FKBP5: variants seen among roughly 807,000 people sequenced by gnomAD.
FKBP5 encodes peptidyl-prolyl cis-trans isomerase FKBP5.
A neutral mutation model predicts 50.5 loss-of-function variants in FKBP5; 23 were observed. That is an observed-to-expected ratio of 0.46 (90% CI 0.33 to 0.65). The LOEUF (loss-of-function observed/expected upper bound fraction) is 0.65, where lower values mean the gene tolerates loss of function less well. FKBP5 is among the 30% of genes least tolerant of loss of function. The pLI is 0.02. For synonymous variants in FKBP5, 176 were observed against 190.6 expected (o/e 0.92, Z 0.63); for missense variants, 411 against 553.1 (o/e 0.74, Z 2.58).
chr6:35,588,011 TTTATTA>T (rs894880538), intron 7 of FKBP5, among the ~76,000 whole-genome samples: 27 of 150,680 alleles, frequency 1.8e-4, no homozygotes, highest in East Asian at 7.7e-4. Context: ...ATCCTCTACT[TTTATTA>T]TTATTATTAT....
intron 2 of FKBP5, among the ~76,000 whole-genome samples, chr6:35,707,045 A>G (rs1467133979): frequency 6.6e-6 from 1 of 152,150 alleles, no homozygotes; most frequent in Non-Finnish European, 1.5e-5. Context: ...AACTTTATGG[A>G]AAGATATGCA....
chr6:35,575,944 T>C lies in FKBP5; in HGVS notation c.1267-2A>G. The C allele has an allele frequency of 6.3e-7, 1 of 1,592,978 alleles. No individual in the cohort carries two copies. Among genetic ancestry groups the C allele is most frequent in the Non-Finnish European group, 8.6e-7 (1 of 1,160,748 alleles). ...GCCCATTGCTTTATTGGCCTCTTCCTAAGGAAGAAATAAGCAATCAAGAAG... is the reference window on the plus strand; with the variant it reads ...GCCCATTGCTTTATTGGCCTCTTCCCAAGGAAGAAATAAGCAATCAAGAAG... On this transcript the variant is annotated splice_acceptor_variant, in intron 10 of 10. Transcript: ENST00000357266. LOFTEE classifies it high-confidence loss of function.
intron 5 of FKBP5, among the ~76,000 whole-genome samples, chr6:35,597,770 A>G (rs1368107513): frequency 6.6e-6 from 1 of 152,232 alleles, no homozygotes; most frequent in Non-Finnish European, 1.5e-5. Context: ...CAAATTTAAT[A>G]TCAAATATAT....
chr6:35,704,809 C>G (rs980890532), intron 2 of FKBP5, among the ~76,000 whole-genome samples: 1 of 151,852 alleles, frequency 6.6e-6, no homozygotes, highest in Admixed American at 6.6e-5. Context: ...ATAGCCCTAC[C>G]AGAGATGATA....
chr6:35,575,771 G>T lies in FKBP5; in HGVS notation c.*64C>A. ...TACATTAAACACTGTTCTGTCCTGAGTTGGGGGAAAGCCCATTGAGGAGGG... is the reference window on the plus strand; with the variant it reads ...TACATTAAACACTGTTCTGTCCTGATTTGGGGGAAAGCCCATTGAGGAGGG... On this transcript the variant is annotated 3_prime_UTR_variant, in exon 11 of 11. Transcript: ENST00000357266. 9.5e-7 allele frequency: 1 copy of T among 1,055,132 alleles called. No individual in the cohort carries two copies. The highest frequency in any genetic ancestry group is 1.5e-6 in the Non-Finnish European group (1 of 669,464). The allele number at this position is 1,055,132 out of a possible 1,614,324, so 65.4% of individuals were successfully genotyped here. A position where few individuals can be genotyped will look rare whatever the true frequency, so the allele number is the denominator to read the frequency against.
At chr6:35,576,037 G>A in intron 10 of FKBP5, 95 bp from the exon 11 acceptor site, 1 of 853,124 alleles carries the variant, frequency 1.2e-6, no homozygotes, top group African/African-American at 1.7e-5. Flanking sequence ...CAAACACGAG[G>A]TATTGCAATG....
chr6:35,607,800 T>C (rs568349906), intron 5 of FKBP5: 79 of 224,974 alleles, frequency 3.5e-4, no homozygotes, highest in Non-Finnish European at 6.0e-4. Flanking sequence ...CGGTGCACCA[T>C]GGAGTTACTG....
chr6:35,698,991 G>A (rs950210863), intron 2 of FKBP5, among the ~76,000 whole-genome samples: 1 of 152,168 alleles, frequency 6.6e-6, no homozygotes, highest in Non-Finnish European at 1.5e-5. Context: ...ATTTGGTGGG[G>A]ACACAAATCC....
chr6:35,644,768 T>C (rs1203651423), intron 1 of FKBP5, among the ~76,000 whole-genome samples: 1 of 152,198 alleles, frequency 6.6e-6, no homozygotes, highest in Non-Finnish European at 1.5e-5. Flanking sequence ...GCTTCTGTGA[T>C]GCACAGAAAC....
intron 8 of FKBP5, chr6:35,584,102 C>T: frequency 1.0e-6 from 1 of 985,460 alleles, no homozygotes; most frequent in Non-Finnish European, 1.2e-6. Context: ...GTTAATGCTC[C>T]TGTCCTGCAG....
At chr6:35,681,760 C>T (rs1031972998) in intron 1 of FKBP5, among the ~76,000 whole-genome samples, 6 of 152,062 alleles carry the variant, frequency 3.9e-5, no homozygotes, top group African/African-American at 1.4e-4. Flanking sequence ...TACTGCTATA[C>T]ACACATAAAA....
intron 8 of FKBP5, chr6:35,582,544 A>C (rs1762468850): frequency 1.8e-6 from 1 of 557,536 alleles, no homozygotes; most frequent in African/African-American, 2.0e-5. Context: ...AGCTACAAGG[A>C]ACCAGAGGAG....
chr6:35,662,817 C>T (rs917093805), intron 1 of FKBP5, among the ~76,000 whole-genome samples: 2 of 152,238 alleles, frequency 1.3e-5, no homozygotes, highest in Admixed American at 1.3e-4. Context: ...ATCCTACACA[C>T]CATGAATACC....
chr6:35,645,092 GA>G (rs34432318), intron 1 of FKBP5, among the ~76,000 whole-genome samples: 3 of 152,056 alleles, frequency 2.0e-5, no homozygotes, highest in Non-Finnish European at 4.4e-5. Flanking sequence ...CACCAATAAT[GA>G]AAAAAAGTGC....
At chr6:35,700,695 C>T (rs1015504049) in intron 2 of FKBP5, among the ~76,000 whole-genome samples, 2 of 152,206 alleles carry the variant, frequency 1.3e-5, no homozygotes, top group Non-Finnish European at 2.9e-5. Flanking sequence ...CGGTGGCTCA[C>T]GCCTGCAATC....
chr6:35,711,360 G>A (rs369803281), intron 2 of FKBP5, among the ~76,000 whole-genome samples: 2 of 150,436 alleles, frequency 1.3e-5, no homozygotes, highest in South Asian at 4.2e-4. Flanking sequence ...GGGTCATGCT[G>A]TAATCCTAAC....
chr6:35,601,639 G>C (rs1179322470), intron 5 of FKBP5, among the ~76,000 whole-genome samples: 2 of 152,136 alleles, frequency 1.3e-5, no homozygotes, highest in Admixed American at 6.5e-5. Context: ...GTTGCTTTTT[G>C]ACCTGGCATC....
intron 1 of FKBP5, among the ~76,000 whole-genome samples, chr6:35,728,127 C>G (rs1240766105): frequency 1.3e-5 from 2 of 152,184 alleles, no homozygotes; most frequent in Non-Finnish European, 1.5e-5. Context: ...CACAATGTCC[C>G]GAGCGGGCGG....
At chr6:35,704,748 T>C (rs1218067342) in intron 2 of FKBP5, among the ~76,000 whole-genome samples, 1 of 152,034 alleles carries the variant, frequency 6.6e-6, no homozygotes, top group East Asian at 1.9e-4. Flanking sequence ...CTAAAATTCA[T>C]TTGGAAAAGT....
Sources: gnomAD v4.1 joint callset for allele counts (sites outside exome capture counted in the v4.1 genomes callset) on GRCh38, gnomAD v4.1.1 for gene constraint, MANE v1.5 for transcripts, NCBI Gene and HGNC (gene_info 2026-07-23, HGNC 2026-07-21) for gene names.